The following DNAH10 variants were observed in gnomAD, a reference collection of about 807,000 sequenced individuals.
The protein encoded by DNAH10 is dynein axonemal heavy chain 10.
DNAH10 carries 348 observed loss-of-function variants against 506.6 expected under a neutral mutation model. The ratio of observed to expected loss-of-function variants is 0.69; its 90% CI spans 0.63 to 0.75. The LOEUF (loss-of-function observed/expected upper bound fraction) is 0.75. Among genes scored for constraint, DNAH10 ranks in the 30% least tolerant of loss-of-function variants. The pLI, the probability that DNAH10 is intolerant of heterozygous loss-of-function variation, is 0.00. For missense variants in DNAH10, 5,179 were observed against 5,787.1 expected (o/e 0.89, Z 3.41); for synonymous variants, 2,059 against 2,198.6 (o/e 0.94, Z 1.78).
intron 11 of DNAH10, among the ~76,000 whole-genome samples, chr12:123,791,951 A>G (rs1210382488): frequency 3.9e-5 from 6 of 152,150 alleles, no homozygotes; most frequent in Admixed American, 2.6e-4. Context: ...CCACAATTTT[A>G]GATGTTTCTT....
At chr12:123,774,736 T>C (rs1287028105) in intron 5 of DNAH10, among the ~76,000 whole-genome samples, 5 of 152,268 alleles carry the variant, frequency 3.3e-5, no homozygotes, top group African/African-American at 1.2e-4. Flanking sequence ...TTTTCCACCC[T>C]GGGCGGGCCA....
At chr12:123,795,910 A>G (rs1365085011) in intron 12 of DNAH10, among the ~76,000 whole-genome samples, 1 of 152,140 alleles carries the variant, frequency 6.6e-6, no homozygotes, top group Non-Finnish European at 1.5e-5. Flanking sequence ...GCTTGAGGGG[A>G]TGGACACCCC....
rs145672017 is a variant in DNAH10 at position 123,890,794 on chromosome 12, C to T, written c.8996-2439C>T. ...GAGGCAGAGCCAACGGGACTTCGAT[C>T]GATTTGGCTGTGGGTTGGGGGAGGG... On this transcript the variant is annotated intron_variant, in intron 52 of 78. Transcript: ENST00000673944. 1.7e-3 allele frequency among the ~76,000 whole-genome samples: 266 copies of T among 152,148 alleles called. 1 individual carries two copies. Among genetic ancestry groups the T allele is most frequent in the Middle Eastern group, 6.8e-3 (2 of 294 alleles).
intron 35 of DNAH10, among the ~76,000 whole-genome samples, chr12:123,852,931 G>A (rs1951231493): frequency 6.6e-6 from 1 of 151,960 alleles, no homozygotes; most frequent in Admixed American, 6.6e-5. Flanking sequence ...TATTTCTGGA[G>A]TGTGATTCCT....
chr12:123,924,057 C>A, intron 66 of DNAH10, 190 bp downstream of exon 66: 1 of 733,076 alleles, frequency 1.4e-6, no homozygotes, highest in Non-Finnish European at 2.2e-6. Flanking sequence ...TCGGAGCAGC[C>A]AGCCTCTGTC....
intron 59 of DNAH10, among the ~76,000 whole-genome samples, chr12:123,912,325 G>T (rs1317918145): frequency 2.1e-4 from 6 of 28,914 alleles, no homozygotes; most frequent in Admixed American, 3.6e-4. Context: ...GGTCTGTCCT[G>T]GGTGGGTCTG....
chr12:123,917,892 C>T lies in DNAH10; in HGVS notation c.11232+79C>T. 1.4e-6 allele frequency: 2 copies of T among 1,440,086 alleles called. No homozygotes were observed. The highest frequency in any genetic ancestry group is 9.4e-7 in the Non-Finnish European group (1 of 1,059,178). 89.2% of individuals were successfully genotyped at this position (1,440,086 alleles called of 1,614,324 possible). A position where few individuals can be genotyped will look rare whatever the true frequency, so the allele number is the denominator to read the frequency against. On this transcript the variant is annotated intron_variant, in intron 64 of 78. Transcript: ENST00000673944. This position sits in a 1 kb window ranked among gnomAD's most constrained non-coding sequence, Gnocchi z 5.6. ...TGGAGCGTCCATTTCTCTGTCTGCT[C>T]AATGAGAAAATGGGGCTCTGTGATC...
Position 123,787,466 on chromosome 12 carries a change from G to T in DNAH10, c.1422-338G>T, listed in dbSNP as rs1372306148. Among the ~76,000 whole-genome samples the T allele has an allele frequency of 6.6e-6, 1 of 152,218 alleles. No individual in the cohort carries two copies. Among genetic ancestry groups the T allele is most frequent in the Non-Finnish European group, 1.5e-5 (1 of 68,044 alleles). ...GCATAGGTGAAGTAGGTACCCAAATGGAGGCATTGTCCTGCGCCGTGTTGC... is the reference window on the plus strand; with the variant it reads ...GCATAGGTGAAGTAGGTACCCAAATTGAGGCATTGTCCTGCGCCGTGTTGC... On this transcript the variant is annotated intron_variant, in intron 9 of 78. Transcript: ENST00000673944. The surrounding 1 kb of genome is among the most constrained non-coding windows in gnomAD (Gnocchi z 4.6).
chr12:123,808,961 CG>C lies in DNAH10; in HGVS notation c.3144+10del. ...TGCGTGGAGATCACCAAGGTGAGAG[CG>C]GAGGTGCTTGTGTCCTTGCTCAGAC... On this transcript the variant is annotated intron_variant, in intron 19 of 78. Transcript: ENST00000673944. 1 of 1,613,932 alleles carries C rather than the reference CG, an allele frequency of 6.2e-7. No individual in the cohort carries two copies.
In DNAH10 at chr12:123,781,290, C is replaced by A; in HGVS notation, c.832C>A (p.Gln278Lys). Reference protein sequence around the residue: ...FASNIQRTMQQLEGEIKLEMP... With the variant: ...FASNIQRTMQKLEGEIKLEMP... ...AAGTAATATTCAAAGAACCATGCAGCAACTTGAAGGTAAGGTTTCATTTTC... is the reference window on the plus strand; with the variant it reads ...AAGTAATATTCAAAGAACCATGCAGAAACTTGAAGGTAAGGTTTCATTTTC... The change falls in exon 6 of 79, where the codon CAA becomes AAA. Residue 278 changes from glutamine (Q) to lysine (K), a missense_variant. Physicochemically the swap from Gln to Lys is moderately conservative, Grantham distance 53. Coordinates refer to ENST00000673944, the MANE Select transcript of DNAH10 (RefSeq NM_001372106.1). 1 of 1,610,766 alleles carries A rather than the reference C, an allele frequency of 6.2e-7. No homozygotes were observed. The highest frequency in any genetic ancestry group is 1.1e-5 in the South Asian group (1 of 90,464).
chr12:123,767,456 G>T, intron 1 of DNAH10, 150 bp from the exon 2 acceptor site: 1 of 670,212 alleles, frequency 1.5e-6, no homozygotes, highest in Non-Finnish European at 2.5e-6. Context: ...GCTCCATCCA[G>T]TAAGGAATAC....
Position 123,813,801 on chromosome 12 carries a change from C to G in DNAH10, c.3669C>G (p.Leu1223=). ...LRKIPNTLED[L]KFVLATIAEI... is the part of the protein sequence containing the mutation. ...AGATCCCCAATACCCTTGAAGATCT[C>G]AAGTTTGTCCTTGCAACAATTGCAG... is the stretch of plus-strand genomic sequence containing the variant. The change falls in exon 21 of 79, where the codon CTC becomes CTG. Residue 1223 remains leucine (L), a synonymous_variant. Transcript: ENST00000673944. 6.2e-7 allele frequency: 1 copy of G among 1,612,978 alleles called. No individual in the cohort carries two copies. Among genetic ancestry groups the G allele is most frequent in the Non-Finnish European group, 8.5e-7 (1 of 1,179,738 alleles).
rs781128732 is a variant in DNAH10 at position 123,774,276 on chromosome 12, G to T, written c.621+12G>T. On this transcript the variant is annotated intron_variant, in intron 5 of 78. Transcript: ENST00000673944. Reference sequence around the variant, plus strand: ...ATATTATATGTCAGGTAAACATGGAGAAAGGAAGAAATTCTAGTATTTCTA... The same window carrying T: ...ATATTATATGTCAGGTAAACATGGATAAAGGAAGAAATTCTAGTATTTCTA... 5.8e-6 allele frequency: 9 copies of T among 1,548,532 alleles called. No homozygotes were observed. Among genetic ancestry groups the T allele is most frequent in the Non-Finnish European group, 7.0e-6 (8 of 1,140,112 alleles).
At chr12:123,773,136 G>T (rs1957320378) in intron 4 of DNAH10, among the ~76,000 whole-genome samples, 194 bp downstream of exon 4, 1 of 152,258 alleles carries the variant, frequency 6.6e-6, no homozygotes, top group African/African-American at 2.4e-5. Context: ...TAGAGATAAA[G>T]AAATGTATTC....
rs756639864 is a variant in DNAH10, at chr12:123,838,669, G to A, written c.5116G>A (p.Val1706Ile). ...TCTGGGGAGCAGCGACCCACTCTGC[G>A]TCCAGGAGCACATGATCAAGGTCAG... ...SILGSSDPLC[V>I]QEHMIKMYDN... Residue 1706 changes from valine to isoleucine, a missense_variant, in exon 29 of 79, where the codon GTC (valine) becomes ATC (isoleucine). By Grantham distance (29) the Val-to-Ile change is conservative (BLOSUM62 3). Coordinates refer to ENST00000673944, the MANE Select transcript of DNAH10 (RefSeq NM_001372106.1). The A allele has an allele frequency of 6.2e-6, 10 of 1,613,664 alleles. No individual in the cohort carries two copies. The highest frequency in any genetic ancestry group is 5.3e-5 in the African/African-American group (4 of 74,930).
intron 5 of DNAH10, among the ~76,000 whole-genome samples, chr12:123,779,160 C>T: frequency 6.6e-6 from 1 of 152,108 alleles, no homozygotes; most frequent in East Asian, 1.9e-4. Flanking sequence ...GCCTCGGCTT[C>T]CCAAAGTGCT....
chr12:123,878,915 G>A (rs1952377107), intron 48 of DNAH10, among the ~76,000 whole-genome samples: 1 of 152,040 alleles, frequency 6.6e-6, no homozygotes, highest in African/African-American at 2.4e-5. Context: ...AGAAAAAAGA[G>A]AGAAAAAGAA....
At chr12:123,830,451 A>C (rs1960421237) in intron 25 of DNAH10, 95 bp from the exon 26 acceptor site, 5 of 1,358,362 alleles carry the variant, frequency 3.7e-6, no homozygotes, top group Non-Finnish European at 5.0e-6. Context: ...TAAGAAGTTT[A>C]CAAAATGAGA....
chr12:123,870,449 A>G lies in DNAH10; in HGVS notation c.7603A>G (p.Ile2535Val), dbSNP rs568884032. Residue 2535 changes from isoleucine (I) to valine (V), a missense_variant, in exon 44 of 79, where the codon ATT (isoleucine) becomes GTT (valine). Transcript: ENST00000673944. ...VPWSKLVPEYIHAPERKFINI... is the reference protein window; with the variant it reads ...VPWSKLVPEYVHAPERKFINI... ...ATGGAGTAAATTAGTTCCAGAGTAT[A>G]TTCATGCCCCCGAGAGGAAATTCAT... is the stretch of plus-strand genomic sequence containing the variant. The G allele has an allele frequency of 1.3e-4, 212 of 1,613,908 alleles. 2 individuals carry two copies. In the South Asian group the frequency reaches 2.2e-3, roughly 17 times the overall value.
Sources: gnomAD v4.1 joint callset for allele counts (sites outside exome capture counted in the v4.1 genomes callset) on GRCh38, gnomAD v4.1.1 for gene constraint, Gnocchi (gnomAD v3.1) non-coding constraint, MANE v1.5 for transcripts, NCBI Gene and HGNC (gene_info 2026-07-23, HGNC 2026-07-21) for gene names.